PTPRE: variants seen among roughly 807,000 people sequenced by gnomAD.
The protein encoded by PTPRE is protein tyrosine phosphatase receptor type E.
PTPRE carries 51 observed loss-of-function variants against 102.0 expected under a neutral mutation model. That is an observed-to-expected ratio of 0.50 (90% CI 0.40 to 0.63). The LOEUF (loss-of-function observed/expected upper bound fraction) is 0.63. PTPRE is among the 30% of genes least tolerant of loss of function. The probability of loss-of-function intolerance (pLI) is 0.00; values close to 1 mark genes in which losing one functional copy is unlikely to be tolerated. For synonymous variants in PTPRE, 345 were observed against 348.2 expected, an observed-to-expected ratio of 0.99 and a Z score of 0.10; for missense variants, 752 against 915.1, an observed-to-expected ratio of 0.82 and a Z score of 2.30.
intron 2 of PTPRE, among the ~76,000 whole-genome samples, chr10:128,013,336 C>T (rs972123691): frequency 3.3e-5 from 5 of 152,062 alleles, no homozygotes; most frequent in African/African-American, 9.7e-5. Context: ...TCAATGTGTG[C>T]GGTCAAAACA....
intron 1 of PTPRE, among the ~76,000 whole-genome samples, chr10:127,971,573 C>A (rs150071931): frequency 6.6e-6 from 1 of 152,216 alleles, no homozygotes; most frequent in Non-Finnish European, 1.5e-5. Context: ...ATTCCACTTC[C>A]TTTAGAGAAT....
intron 1 of PTPRE, among the ~76,000 whole-genome samples, chr10:127,930,708 G>A (rs573798400): frequency 1.4e-4 from 22 of 152,148 alleles, no homozygotes; most frequent in African/African-American, 5.1e-4. Context: ...TCTGTCATGG[G>A]TTCACCATTT....
chr10:128,070,999 C>A lies in PTPRE; in HGVS notation c.1387+98C>A. On this transcript the variant is annotated intron_variant, in intron 15 of 20. Transcript: ENST00000254667. This position sits in a 1 kb window ranked among gnomAD's most constrained non-coding sequence, Gnocchi z 4.8. Reference sequence around the variant, plus strand: ...CCATTGACCGCTTACCCCTGTGCACCAGGGTCAAAAGCAGGGTGTCCTCTG... The same window carrying A: ...CCATTGACCGCTTACCCCTGTGCACAAGGGTCAAAAGCAGGGTGTCCTCTG... 3 of 1,239,606 alleles carry A rather than the reference C, an allele frequency of 2.4e-6. No individual in the cohort carries two copies. Among genetic ancestry groups the A allele is most frequent in the Non-Finnish European group, 3.5e-6 (3 of 868,382 alleles). The allele number at this position is 1,239,606 out of a possible 1,614,324, so 76.8% of individuals were successfully genotyped here. A position where few individuals can be genotyped will look rare whatever the true frequency, so the allele number is the denominator to read the frequency against.
chr10:128,055,074 G>T (rs578051101), intron 6 of PTPRE, among the ~76,000 whole-genome samples: 1 of 152,258 alleles, frequency 6.6e-6, no homozygotes, highest in Non-Finnish European at 1.5e-5. Context: ...AGTTGCAAAG[G>T]CTGGGGCAGA....
chr10:128,046,074 C>T lies in PTPRE; in HGVS notation c.110-1316C>T, dbSNP rs193019722. ...AACTTCAACATCTAATGGTCACCCA[C>T]GTCCCTAAAACTTCATCATTTATGA... On this transcript the variant is annotated intron_variant, in intron 3 of 20. Transcript: ENST00000254667. Among the ~76,000 whole-genome samples, 170 of 152,330 alleles carry T rather than the reference C, an allele frequency of 1.1e-3. 1 individual carries two copies. The highest frequency in any genetic ancestry group is 9.1e-3 in the Admixed American group (140 of 15,310).
intron 11 of PTPRE, among the ~76,000 whole-genome samples, chr10:128,067,493 C>T (rs1850354542): frequency 6.6e-6 from 1 of 151,948 alleles, no homozygotes; most frequent in South Asian, 2.1e-4. Flanking sequence ...CGCACATACA[C>T]ACATTCACCC....
In PTPRE at chr10:128,028,714, C is replaced by T. The variant is rs756295641; in HGVS notation, c.-7-12161C>T. 4.6e-5 allele frequency among the ~76,000 whole-genome samples: 7 copies of T among 152,240 alleles called. No individual in the cohort carries two copies. The highest frequency in any genetic ancestry group is 2.9e-5 in the Non-Finnish European group (2 of 68,018). On this transcript the variant is annotated intron_variant, in intron 2 of 20. Coordinates refer to ENST00000254667, the MANE Select transcript of PTPRE (RefSeq NM_006504.6). This position sits in a 1 kb window ranked among gnomAD's most constrained non-coding sequence, Gnocchi z 4.5. ...TTCTGATGCCTTCATTCCCAGAACA[C>T]GAAGCCAAGGCCAGGAGTCGGGATC...
intron 2 of PTPRE, among the ~76,000 whole-genome samples, chr10:128,000,604 G>C (rs1173091551): frequency 1.3e-5 from 2 of 152,160 alleles, no homozygotes; most frequent in African/African-American, 2.4e-5. Flanking sequence ...TCCCATGTGG[G>C]TAAGCTCAGA....
At chr10:127,955,491 G>T (rs551257629) in intron 1 of PTPRE, among the ~76,000 whole-genome samples, 42 of 152,228 alleles carry the variant, frequency 2.8e-4, no homozygotes, top group African/African-American at 8.4e-4. Context: ...TTAAGAATAT[G>T]TCCATGTGTA....
intron 1 of PTPRE, among the ~76,000 whole-genome samples, chr10:127,953,114 C>T (rs1849156785): frequency 6.6e-6 from 1 of 152,214 alleles, no homozygotes; most frequent in African/African-American, 2.4e-5. Flanking sequence ...TACTCCAGCC[C>T]ATCTACCAAG....
intron 1 of PTPRE, among the ~76,000 whole-genome samples, chr10:127,947,769 T>C (rs527467985): frequency 5.3e-5 from 8 of 152,250 alleles, no homozygotes; most frequent in Non-Finnish European, 7.4e-5. Flanking sequence ...AAGAAAAATC[T>C]CGGACTTAAA....
At chr10:128,053,568 T>A (rs1007733717) in intron 6 of PTPRE, among the ~76,000 whole-genome samples, 1 of 152,152 alleles carries the variant, frequency 6.6e-6, no homozygotes, top group Non-Finnish European at 1.5e-5. Flanking sequence ...TACATACGTG[T>A]GCGGTGCACA....
chr10:127,999,927 T>G (rs973219451), intron 2 of PTPRE: 2 of 985,364 alleles, frequency 2.0e-6, no homozygotes, highest in African/African-American at 3.5e-5. Context: ...CTGAACGAAT[T>G]GATCACCTAG....
At chr10:128,036,821 C>T (rs373925521) in intron 2 of PTPRE, among the ~76,000 whole-genome samples, 4 of 152,168 alleles carry the variant, frequency 2.6e-5, no homozygotes, top group African/African-American at 7.2e-5. Flanking sequence ...GAGGAACCAC[C>T]GAGGAATCTT....
At chr10:127,941,091 A>T in intron 1 of PTPRE, among the ~76,000 whole-genome samples, 1 of 152,316 alleles carries the variant, frequency 6.6e-6, no homozygotes, top group East Asian at 1.9e-4. Flanking sequence ...TGCTAACCAC[A>T]TGCAGGCCGC....
intron 20 of PTPRE, among the ~76,000 whole-genome samples, chr10:128,080,496 C>T (rs181888328): frequency 3.0e-4 from 46 of 152,352 alleles, no homozygotes; most frequent in African/African-American, 1.1e-3. Flanking sequence ...GTCTGTCCAT[C>T]CACACCCAAC....
chr10:127,961,923 G>T (rs576322110), intron 1 of PTPRE, among the ~76,000 whole-genome samples: 1 of 152,286 alleles, frequency 6.6e-6, no homozygotes, highest in South Asian at 2.1e-4. Context: ...GTGAGTGAAA[G>T]AATATATGAA....
At chr10:127,923,628 T>C (rs1846784525) in intron 1 of PTPRE, among the ~76,000 whole-genome samples, 1 of 152,104 alleles carries the variant, frequency 6.6e-6, no homozygotes, top group South Asian at 2.1e-4. Context: ...GGTCTCGAAC[T>C]CCTGACCTCG....
chr10:128,044,548 T>C (rs943600253), intron 3 of PTPRE, among the ~76,000 whole-genome samples: 10 of 152,344 alleles, frequency 6.6e-5, no homozygotes, highest in Admixed American at 6.5e-4. Context: ...GATCAGATTC[T>C]ATGTAAGCAA....
Sources: gnomAD v4.1 joint callset for allele counts (sites outside exome capture counted in the v4.1 genomes callset) on GRCh38, gnomAD v4.1.1 for gene constraint, Gnocchi (gnomAD v3.1) non-coding constraint, MANE v1.5 for transcripts, NCBI Gene and HGNC (gene_info 2026-07-23, HGNC 2026-07-21) for gene names.